Variants in CLASP1 observed in about 807,000 individuals in gnomAD.
CLASP1 encodes CLIP-associating protein 1.
A neutral mutation model predicts 192.3 loss-of-function variants in CLASP1; 38 were observed. That is an observed-to-expected ratio of 0.20 (90% CI 0.15 to 0.26). CLASP1 has a LOEUF of 0.26. Among genes scored for constraint, CLASP1 ranks in the 10% least tolerant of loss-of-function variants. CLASP1 has a pLI of 1.00. For synonymous variants in CLASP1, 691 were observed against 712.8 expected (o/e 0.97, Z 0.49); for missense variants, 1,433 against 1,932.5 (o/e 0.74, Z 4.85).
intron 1 of CLASP1, among the ~76,000 whole-genome samples, chr2:121,623,959 T>C (rs1032201201): frequency 2.6e-5 from 4 of 152,242 alleles, no homozygotes; most frequent in African/African-American, 7.2e-5. Context: ...AAATGGTTCC[T>C]AGTATTTCCT....
intron 19 of CLASP1, among the ~76,000 whole-genome samples, chr2:121,437,235 T>C (rs560545151): frequency 6.6e-6 from 1 of 152,282 alleles, no homozygotes; most frequent in East Asian, 1.9e-4. Flanking sequence ...ATTCCTAAGA[T>C]TACAGGTGTG....
chr2:121,425,359 C>G, intron 21 of CLASP1, 53 bp from the exon 22 acceptor site: 1 of 1,489,154 alleles, frequency 6.7e-7, no homozygotes, highest in Non-Finnish European at 9.1e-7. Flanking sequence ...TAGGAATGAA[C>G]TATAATACTT....
At chr2:121,508,846 G>A (rs1337940888) in intron 7 of CLASP1, among the ~76,000 whole-genome samples, 1 of 152,164 alleles carries the variant, frequency 6.6e-6, no homozygotes, top group African/African-American at 2.4e-5. Context: ...TGGTTATAGT[G>A]ATAACAAGTA....
At chr2:121,527,838 C>T (rs1470907638) in exon 5 of CLASP1, 2 of 1,613,994 alleles carry the variant, frequency 1.2e-6, no homozygotes, top group Non-Finnish European at 8.5e-7. Flanking sequence ...GATGCCTTCT[C>T]GAGTACGGAA....
chr2:121,395,982 T>C (rs1009216290), intron 30 of CLASP1, among the ~76,000 whole-genome samples: 1 of 152,136 alleles, frequency 6.6e-6, no homozygotes, highest in African/African-American at 2.4e-5. Flanking sequence ...CCCAAAATAC[T>C]AGGCCTTGTC....
rs919409725 is a variant in CLASP1 at position 121,608,443 on chromosome 2, T to C, written c.-285-2263A>G. ...AGACTTGCTATACAAGCAATGGAAC[T>C]TGCCCTCTTAGAATGCTGCCCTGGG... On this transcript the variant is annotated intron_variant, in intron 1 of 39. Coordinates refer to ENST00000263710, the Ensembl canonical transcript of CLASP1. Among the ~76,000 whole-genome samples the C allele has an allele frequency of 1.1e-4, 17 of 152,164 alleles. 1 individual carries two copies. The highest frequency in any genetic ancestry group is 4.1e-4 in the African/African-American group (17 of 41,430).
chr2:121,564,005 T>G (rs1160516560), intron 2 of CLASP1, among the ~76,000 whole-genome samples: 1 of 152,152 alleles, frequency 6.6e-6, no homozygotes, highest in African/African-American at 2.4e-5. Context: ...ACTCCCATTT[T>G]TAAAACCATC....
At chr2:121,505,201 C>T (rs913629691) in intron 7 of CLASP1, 6 of 152,268 alleles carry the variant, frequency 3.9e-5, no homozygotes, top group Admixed American at 3.3e-4. Context: ...CCTGAAATTA[C>T]TGGAAGAAGG....
At chr2:121,640,492 T>C (rs2071841092) in intron 1 of CLASP1, among the ~76,000 whole-genome samples, 1 of 152,228 alleles carries the variant, frequency 6.6e-6, no homozygotes, top group African/African-American at 2.4e-5. Flanking sequence ...TTAGATTTCA[T>C]ATCAGGAGCT....
chr2:121,373,898 A>G (rs1049753003), intron 34 of CLASP1, among the ~76,000 whole-genome samples: 2 of 152,244 alleles, frequency 1.3e-5, no homozygotes, highest in Non-Finnish European at 2.9e-5. Flanking sequence ...GCAGAGTGTA[A>G]AAGTTTGGAA....
intron 7 of CLASP1, among the ~76,000 whole-genome samples, chr2:121,514,873 A>G (rs990058470): frequency 6.6e-5 from 10 of 152,204 alleles, no homozygotes; most frequent in Non-Finnish European, 1.2e-4. Flanking sequence ...TCTCTCTCTT[A>G]GTAGCTGTGT....
rs149478365 is a variant in CLASP1, at chr2:121,631,606, A to G, written c.-286+17766T>C. On this transcript the variant is annotated intron_variant, in intron 1 of 39. Coordinates refer to ENST00000263710, the Ensembl canonical transcript of CLASP1. ...CGGCCTGAAATTACATTTTTTAAAC[A>G]TATTTTTAAAATACATATTGCAGGC... Among the ~76,000 whole-genome samples the G allele has an allele frequency of 3.3e-3, 504 of 152,094 alleles. 4 individuals carry two copies. The highest frequency in any genetic ancestry group is 0.011 in the African/African-American group (474 of 41,526).
chr2:121,515,993 G>A (rs1274310920), intron 6 of CLASP1, among the ~76,000 whole-genome samples: 3 of 152,060 alleles, frequency 2.0e-5, no homozygotes, highest in Non-Finnish European at 4.4e-5. Flanking sequence ...CTATATACAC[G>A]GCAAAGTCCA....
chr2:121,600,086 G>T (rs2063625705), intron 2 of CLASP1, among the ~76,000 whole-genome samples: 1 of 151,930 alleles, frequency 6.6e-6, no homozygotes, highest in Admixed American at 6.6e-5. Flanking sequence ...TTATAATTAA[G>T]AAAAAAAGGG....
At position 121,344,033 on chromosome 2, in the gene CLASP1, C is replaced by T. The variant is rs191296051; in HGVS notation, c.4530+3005G>A. On this transcript the variant is annotated intron_variant, in intron 39 of 39. Coordinates refer to ENST00000263710, the Ensembl canonical transcript of CLASP1. ...TTGCAGTGAGCCAAGATCACGTCACCGCACTTCAGCCTGGGTGACAGAGTG... is the reference window on the plus strand; with the variant it reads ...TTGCAGTGAGCCAAGATCACGTCACTGCACTTCAGCCTGGGTGACAGAGTG... Among the ~76,000 whole-genome samples, 1,039 of 151,986 alleles carry T rather than the reference C, an allele frequency of 6.8e-3. 11 individuals are homozygous for T. The highest frequency in any genetic ancestry group is 0.014 in the Middle Eastern group (4 of 294).
intron 1 of CLASP1, among the ~76,000 whole-genome samples, chr2:121,610,941 G>A (rs2065301354): frequency 6.8e-6 from 1 of 146,406 alleles, no homozygotes; most frequent in African/African-American, 2.6e-5. Flanking sequence ...AGTTACAGGA[G>A]GAAGAGGAAC....
chr2:121,478,855 C>CCA (rs2092180742), intron 8 of CLASP1, among the ~76,000 whole-genome samples: 2 of 56,916 alleles, frequency 3.5e-5, no homozygotes, highest in Non-Finnish European at 6.2e-5. Flanking sequence ...ACACCACACA[C>CCA]CACACCACAC....
intron 36 of CLASP1, among the ~76,000 whole-genome samples, chr2:121,363,635 C>T (rs1157132496): frequency 2.6e-5 from 4 of 152,162 alleles, no homozygotes; most frequent in Non-Finnish European, 4.4e-5. Flanking sequence ...CTGGGGATTT[C>T]CAGATTTCCT....
At chr2:121,625,525 C>A (rs1224273996) in intron 1 of CLASP1, among the ~76,000 whole-genome samples, 1 of 147,736 alleles carries the variant, frequency 6.8e-6, no homozygotes, top group Non-Finnish European at 1.5e-5. Context: ...ACCTCTACTT[C>A]CCAGGTTCAA....
Sources: gnomAD v4.1 joint callset for allele counts (sites outside exome capture counted in the v4.1 genomes callset) on GRCh38, gnomAD v4.1.1 for gene constraint, MANE v1.5 for transcripts, NCBI Gene and HGNC (gene_info 2026-07-23, HGNC 2026-07-21) for gene names.